The following E2F7 variants were observed in gnomAD, a reference collection of about 807,000 sequenced individuals.
E2F7 encodes transcription factor E2F7.
A neutral mutation model predicts 81.1 loss-of-function variants in E2F7; 35 were observed. The ratio of observed to expected loss-of-function variants is 0.43; its 90% CI spans 0.33 to 0.57. The LOEUF is 0.57. E2F7 is among the 20% of genes least tolerant of loss of function. The pLI is 0.04. For missense variants in E2F7, 961 were observed against 1,093.7 expected (o/e 0.88, Z 1.71); for synonymous variants, 416 against 416.2 (o/e 1.00, Z 0.01).
intron 9 of E2F7, among the ~76,000 whole-genome samples, chr12:77,030,756 C>T (rs1303962532): frequency 2.0e-5 from 3 of 152,256 alleles, no homozygotes; most frequent in South Asian, 2.1e-4. Context: ...AAGACTGAAG[C>T]GCAGAGGTTG....
intron 3 of E2F7, among the ~76,000 whole-genome samples, chr12:77,050,962 T>C (rs1954981887): frequency 6.6e-6 from 1 of 152,204 alleles, no homozygotes; most frequent in Non-Finnish European, 1.5e-5. Context: ...GCTGAGTCTA[T>C]TAGTCAAAAG....
chr12:77,030,455 G>T, intron 9 of E2F7, 123 bp from the exon 10 acceptor site: 1 of 1,250,102 alleles, frequency 8.0e-7, no homozygotes. Context: ...ATACGAAAGC[G>T]CACTTGCTGA....
In E2F7 at chr12:77,025,684, G is replaced by T. The variant is rs1164865862; in HGVS notation, c.2439C>A (p.Asp813Glu). 1 of 1,614,074 alleles carries T rather than the reference G, an allele frequency of 6.2e-7. No individual in the cohort carries two copies. Among genetic ancestry groups the T allele is most frequent in the Admixed American group, 1.7e-5 (1 of 60,002 alleles). Reference protein sequence around the residue: ...NPKSSTLPSADPQLQSQPSLN... With the variant: ...NPKSSTLPSAEPQLQSQPSLN... ...GTGAGGGCTGACTCTGAAGCTGAGG[G>T]TCTGCAGAAGGGAGTGTGGACGACT... Residue 813 changes from aspartate to glutamate, a missense_variant, in exon 12 of 13, where the codon GAC (aspartate) becomes GAA (glutamate). Coordinates refer to ENST00000322886, the MANE Select transcript of E2F7 (RefSeq NM_203394.3).
intron 2 of E2F7, among the ~76,000 whole-genome samples, chr12:77,060,086 T>C (rs1197913444): frequency 6.6e-6 from 1 of 152,036 alleles, no homozygotes; most frequent in African/African-American, 2.4e-5. Flanking sequence ...CTTTTCCTTC[T>C]GTCCAATTCC....
chr12:77,049,913 G>C (rs1254916612), intron 4 of E2F7, among the ~76,000 whole-genome samples: 1 of 152,054 alleles, frequency 6.6e-6, no homozygotes, highest in Non-Finnish European at 1.5e-5. Flanking sequence ...CTTATTTAAC[G>C]AGTGTCAACA....
At chr12:77,049,444 A>T (rs2120718036) in intron 4 of E2F7, among the ~76,000 whole-genome samples, 1 of 152,358 alleles carries the variant, frequency 6.6e-6, no homozygotes, top group Admixed American at 6.5e-5. Flanking sequence ...TCTCCATGCC[A>T]GCCATTGACT....
rs771346975 is a variant in E2F7 at position 77,043,159 on chromosome 12, G to A, written c.1029C>T (p.Thr343=). 5.0e-6 allele frequency: 8 copies of A among 1,614,024 alleles called. No homozygotes were observed. The highest frequency in any genetic ancestry group is 2.7e-5 in the African/African-American group (2 of 74,926). ...GCACTTTCTTTATCAGAGCCAAGCT[G>A]GTCAGAACATTGGCTATGTCATAGA... ...RRLYDIANVL[T]SLALIKKVHV... is the part of the protein sequence containing the mutation. The change falls in exon 7 of 13, where the codon ACC becomes ACT. Residue 343 remains threonine, a synonymous_variant. Transcript: ENST00000322886.
chr12:77,044,507 G>T, intron 6 of E2F7, 130 bp downstream of exon 6: 2 of 1,190,316 alleles, frequency 1.7e-6, no homozygotes, highest in Non-Finnish European at 2.3e-6. Context: ...CAAAAACCTT[G>T]ATGAATGCAG....
chr12:77,043,067 C>G lies in E2F7; in HGVS notation c.1121G>C (p.Ser374Thr), dbSNP rs760852730. 2 of 1,614,100 alleles carry G rather than the reference C, an allele frequency of 1.2e-6. No individual in the cohort carries two copies. The highest frequency in any genetic ancestry group is 1.3e-5 in the African/African-American group (1 of 75,050). ...CTAGCAAAACCACGCCACCTTACCA[C>G]TTGAGCTGAAGTCCACAGGCCCGAT... ...KWIGPVDFSS[S>T]DEELVDVSAS... Residue 374 changes from serine to threonine, a missense_variant and splice_region_variant, in exon 7 of 13, where the codon AGT (serine) becomes ACT (threonine). Transcript: ENST00000322886.
intron 7 of E2F7, among the ~76,000 whole-genome samples, chr12:77,037,240 A>G (rs754095389): frequency 4.6e-5 from 7 of 152,232 alleles, no homozygotes; most frequent in African/African-American, 1.4e-4. Context: ...AGCACTGGAA[A>G]TGGTAACAAC....
At chr12:77,050,810 A>T in intron 3 of E2F7, 66 bp from the exon 4 acceptor site, 2 of 1,560,942 alleles carry the variant, frequency 1.3e-6, no homozygotes, top group Non-Finnish European at 1.7e-6. Context: ...AGAAATGGCA[A>T]TGGCCAGTGT....
chr12:77,050,837 C>T, intron 3 of E2F7, 93 bp from the exon 4 acceptor site: 2 of 1,211,122 alleles, frequency 1.7e-6, no homozygotes, highest in Non-Finnish European at 2.3e-6. Flanking sequence ...ACTGGGGGGA[C>T]ATCTCAATCC....
intron 9 of E2F7, among the ~76,000 whole-genome samples, chr12:77,032,740 T>TG (rs1246280807): frequency 3.5e-4 from 54 of 152,356 alleles, no homozygotes; most frequent in African/African-American, 1.3e-3. Context: ...ATGATAATGA[T>TG]GAAGTGATTC....
At chr12:77,028,964 A>G (rs1262543714) in intron 10 of E2F7, among the ~76,000 whole-genome samples, 1 of 152,218 alleles carries the variant, frequency 6.6e-6, no homozygotes, top group Non-Finnish European at 1.5e-5. Context: ...AGATTTTAGC[A>G]ATGGAAAACT....
intron 9 of E2F7, among the ~76,000 whole-genome samples, chr12:77,031,208 G>C (rs1416008507): frequency 2.6e-5 from 4 of 152,118 alleles, no homozygotes; most frequent in Admixed American, 2.6e-4. Context: ...GGGTGACCCT[G>C]TCTCTAAAAT....
At position 77,023,788 on chromosome 12, in the gene E2F7, G is replaced by C. The variant is rs1592551382; in HGVS notation, c.*227C>G. 1 of 488,978 alleles carries C rather than the reference G, an allele frequency of 2.0e-6. No individual in the cohort carries two copies. The highest frequency in any genetic ancestry group is 3.6e-6 in the Non-Finnish European group (1 of 281,584). 30.3% of individuals were successfully genotyped at this position (488,978 alleles called of 1,614,324 possible). ...CTTGAATCAAAACCATAAGTCAGTCGGCGCTTTCACTGTGACACCATGCAG... is the reference window on the plus strand; with the variant it reads ...CTTGAATCAAAACCATAAGTCAGTCCGCGCTTTCACTGTGACACCATGCAG... On this transcript the variant is annotated 3_prime_UTR_variant, in exon 13 of 13. Coordinates refer to ENST00000322886, the MANE Select transcript of E2F7 (RefSeq NM_203394.3).
chr12:77,024,378 T>A (rs1954741695), intron 12 of E2F7, among the ~76,000 whole-genome samples, 193 bp from the exon 13 acceptor site: 1 of 152,102 alleles, frequency 6.6e-6, no homozygotes, highest in Non-Finnish European at 1.5e-5. Context: ...TATTTGTTGT[T>A]TTGGGTGCAG....
chr12:77,029,462 G>C (rs1414586726), intron 10 of E2F7, among the ~76,000 whole-genome samples: 2 of 152,166 alleles, frequency 1.3e-5, no homozygotes, highest in Non-Finnish European at 2.9e-5. Context: ...CTGGAACTCA[G>C]CTGCATCCTG....
At chr12:77,027,387 T>A (rs921067526) in intron 11 of E2F7, among the ~76,000 whole-genome samples, 1 of 152,228 alleles carries the variant, frequency 6.6e-6, no homozygotes, top group Admixed American at 6.5e-5. Flanking sequence ...AGCACCCATA[T>A]GAAGCAGGTG....
Sources: allele counts gnomAD v4.1 joint callset (sites outside exome capture counted in the v4.1 genomes callset), GRCh38; gene constraint gnomAD v4.1.1; transcripts MANE v1.5; gene names NCBI Gene and HGNC (gene_info 2026-07-23, HGNC 2026-07-21).